The following PDE3A variants were observed in gnomAD, a reference collection of about 807,000 sequenced individuals.
PDE3A encodes phosphodiesterase 3A, also known as cGMP-inhibited 3',5'-cyclic phosphodiesterase 3A.
PDE3A carries 43 observed loss-of-function variants against 98.3 expected under a neutral mutation model. The ratio of observed to expected loss-of-function variants is 0.44; its 90% CI spans 0.34 to 0.56. PDE3A has a LOEUF of 0.56. Among genes scored for constraint, PDE3A ranks in the 20% least tolerant of loss-of-function variants. PDE3A has a pLI of 0.01. For synonymous variants in PDE3A, 663 were observed against 567.9 expected (o/e 1.17, Z -2.38); for missense variants, 1,427 against 1,440.7 (o/e 0.99, Z 0.15).
At chr12:20,481,793 A>G in intron 1 of PDE3A, among the ~76,000 whole-genome samples, 1 of 13,224 alleles carries the variant, frequency 7.6e-5, no homozygotes. Flanking sequence ...TTTTGAGCAG[A>G]GTCTCTTGTC....
chr12:20,580,527 A>G (rs1043916976), intron 2 of PDE3A, among the ~76,000 whole-genome samples: 1 of 152,170 alleles, frequency 6.6e-6, no homozygotes, highest in African/African-American at 2.4e-5. Flanking sequence ...TCATAACCAC[A>G]CTGGTAATAT....
chr12:20,410,589 A>G (rs1224695433), intron 1 of PDE3A, among the ~76,000 whole-genome samples: 1 of 151,928 alleles, frequency 6.6e-6, no homozygotes, highest in African/African-American at 2.4e-5. Flanking sequence ...TGCAGTTACT[A>G]TTTTTCATCA....
rs376521697 is a variant in PDE3A at position 20,673,363 on chromosome 12, G to C, written c.3185-6667G>C. 8.2e-4 allele frequency among the ~76,000 whole-genome samples: 120 copies of C among 146,930 alleles called. No individual in the cohort carries two copies. In the East Asian group the frequency reaches 0.018, roughly 23 times the overall value. On this transcript the variant is annotated intron_variant, in intron 15 of 15. Coordinates refer to ENST00000359062, the MANE Select transcript of PDE3A (RefSeq NM_000921.5). ...TCCCATTACTGGGTATATACCCAAA[G>C]GACTATAAATCATGCTGCTATAAAG...
chr12:20,524,792 A>G (rs1357793589), intron 1 of PDE3A, among the ~76,000 whole-genome samples: 1 of 152,022 alleles, frequency 6.6e-6, no homozygotes, highest in South Asian at 2.1e-4. Flanking sequence ...GTCTCACCCC[A>G]TTCCTTGCCC....
chr12:20,461,079 T>C (rs891700388), intron 1 of PDE3A, among the ~76,000 whole-genome samples: 4 of 151,974 alleles, frequency 2.6e-5, no homozygotes, highest in Non-Finnish European at 5.9e-5. Flanking sequence ...TATTAAGTGT[T>C]TTGCTAAATT....
chr12:20,433,722 G>T (rs1944735824), intron 1 of PDE3A, among the ~76,000 whole-genome samples: 1 of 152,154 alleles, frequency 6.6e-6, no homozygotes, highest in Admixed American at 6.6e-5. Flanking sequence ...AGCATGTACT[G>T]CTGGAAGTAT....
chr12:20,512,547 A>C (rs11045288), intron 1 of PDE3A, among the ~76,000 whole-genome samples: 39,866 of 151,930 alleles, frequency 0.26, 6,593 homozygotes, highest in East Asian at 0.43. Flanking sequence ...AACATTTTAC[A>C]ATGTTATTGC....
At chr12:20,378,421 A>G (rs1052442413) in intron 1 of PDE3A, among the ~76,000 whole-genome samples, 2 of 151,800 alleles carry the variant, frequency 1.3e-5, no homozygotes, top group Admixed American at 6.6e-5. Flanking sequence ...TTAAAAATAC[A>G]TTTATTATGT....
chr12:20,671,138 GA>G (rs1290228850), intron 15 of PDE3A, among the ~76,000 whole-genome samples: 2 of 145,284 alleles, frequency 1.4e-5, no homozygotes, highest in Admixed American at 6.8e-5. Context: ...ACTCTCCCAA[GA>G]CTAAACCAGG....
intron 1 of PDE3A, among the ~76,000 whole-genome samples, chr12:20,462,867 G>A (rs1008332526): frequency 1.3e-5 from 2 of 151,652 alleles, no homozygotes; most frequent in Non-Finnish European, 2.9e-5. Flanking sequence ...ATGGCTCACT[G>A]TAGCCTTGAC....
At chr12:20,559,661 A>C (rs917054549) in intron 2 of PDE3A, among the ~76,000 whole-genome samples, 1 of 146,508 alleles carries the variant, frequency 6.8e-6, no homozygotes, top group African/African-American at 2.5e-5. Flanking sequence ...ACAGAACGAG[A>C]CCCCATATCA....
chr12:20,635,679 G>A (rs1051494279), intron 8 of PDE3A, among the ~76,000 whole-genome samples: 1 of 151,052 alleles, frequency 6.6e-6, no homozygotes, highest in African/African-American at 2.4e-5. Context: ...CTTGAACCCA[G>A]GAGGCGGAGG....
chr12:20,602,437 A>G (rs1414680842), intron 2 of PDE3A, among the ~76,000 whole-genome samples: 2 of 152,210 alleles, frequency 1.3e-5, no homozygotes, highest in African/African-American at 4.8e-5. Context: ...AGAAAATATA[A>G]ACAAGACAGA....
intron 1 of PDE3A, among the ~76,000 whole-genome samples, chr12:20,476,554 A>C (rs1035147667): frequency 1.3e-5 from 2 of 152,222 alleles, no homozygotes; most frequent in African/African-American, 4.8e-5. Context: ...TCATATAGTT[A>C]GTGTGTCTTG....
At chr12:20,409,019 A>G (rs1178313326) in intron 1 of PDE3A, among the ~76,000 whole-genome samples, 1 of 152,048 alleles carries the variant, frequency 6.6e-6, no homozygotes, top group Non-Finnish European at 1.5e-5. Flanking sequence ...AATTTTTTTA[A>G]TGAAATTTCA....
At chr12:20,504,552 G>A (rs749377641) in intron 1 of PDE3A, among the ~76,000 whole-genome samples, 1 of 152,024 alleles carries the variant, frequency 6.6e-6, no homozygotes, top group Non-Finnish European at 1.5e-5. Context: ...TCAGAAGTCT[G>A]ACATGGACCA....
rs570618773 is a variant in PDE3A at position 20,669,795 on chromosome 12, C to T, written c.3185-10235C>T. The stretch of plus-strand genomic sequence containing the variant: ...ACTAGGAAGAAACTACATAAACTAA[C>T]GAGCAAAATAACCAGCTAACATCAT... On this transcript the variant is annotated intron_variant, in intron 15 of 15. Transcript: ENST00000359062. Among the ~76,000 whole-genome samples the T allele has an allele frequency of 4.6e-3, 700 of 151,630 alleles. 5 individuals carry two copies. Among genetic ancestry groups the T allele is most frequent in the African/African-American group, 0.016 (641 of 41,332 alleles).
At chr12:20,505,530 T>G (rs1355996513) in intron 1 of PDE3A, among the ~76,000 whole-genome samples, 1 of 152,076 alleles carries the variant, frequency 6.6e-6, no homozygotes, top group Admixed American at 6.6e-5. Context: ...TGTAAGCATG[T>G]GCCATGGTGA....
chr12:20,590,393 G>C (rs1267045875), intron 2 of PDE3A, among the ~76,000 whole-genome samples: 2 of 148,032 alleles, frequency 1.4e-5, no homozygotes, highest in Non-Finnish European at 3.0e-5. Flanking sequence ...GCAAGTTCCA[G>C]ACCTGAGTGA....
Sources: gnomAD v4.1 joint callset for allele counts (sites outside exome capture counted in the v4.1 genomes callset) on GRCh38, gnomAD v4.1.1 for gene constraint, MANE v1.5 for transcripts, NCBI Gene and HGNC (gene_info 2026-07-23, HGNC 2026-07-21) for gene names.